ZMYM4: variants seen among roughly 807,000 people sequenced by gnomAD.
The protein encoded by ZMYM4 is zinc finger MYM-type containing 4.
A neutral mutation model predicts 183.2 loss-of-function variants in ZMYM4; 31 were observed. The ratio of observed to expected loss-of-function variants is 0.17; its 90% CI spans 0.13 to 0.23. The LOEUF (loss-of-function observed/expected upper bound fraction) is 0.23. Ranked by LOEUF, ZMYM4 falls within the 10% of genes least tolerant of loss-of-function variation. ZMYM4 has a pLI of 1.00. For missense variants in ZMYM4, 1,273 were observed against 1,840.3 expected (o/e 0.69, Z 5.64); for synonymous variants, 592 against 631.2 (o/e 0.94, Z 0.93).
intron 2 of ZMYM4, among the ~76,000 whole-genome samples, chr1:35,355,745 C>A (rs960809402): frequency 6.6e-6 from 1 of 152,016 alleles, no homozygotes; most frequent in African/African-American, 2.4e-5. Flanking sequence ...CTCTGCGACT[C>A]AAAAATAATT....
chr1:35,310,263 C>G (rs1180020133), intron 1 of ZMYM4: 3 of 181,674 alleles, frequency 1.7e-5, no homozygotes, highest in African/African-American at 4.8e-5. Context: ...GAATGTCTTA[C>G]TTTTATTATG....
intron 1 of ZMYM4, among the ~76,000 whole-genome samples, chr1:35,305,774 C>A (rs905225082): frequency 1.7e-4 from 26 of 151,744 alleles, no homozygotes; most frequent in Non-Finnish European, 1.9e-4. Flanking sequence ...GTCTCCAACT[C>A]CAGGCCTCAA....
intron 27 of ZMYM4, 124 bp from the exon 28 acceptor site, chr1:35,415,342 G>A (rs140904982): frequency 3.5e-5 from 46 of 1,333,260 alleles, no homozygotes; most frequent in African/African-American, 7.3e-5. Context: ...TCTGCATAAG[G>A]AAGAGGGGAA....
intron 3 of ZMYM4, among the ~76,000 whole-genome samples, chr1:35,359,914 A>G (rs541516811): frequency 2.0e-5 from 3 of 150,898 alleles, no homozygotes. Flanking sequence ...AATAAAAAAA[A>G]CCCAAACATT....
intron 9 of ZMYM4, among the ~76,000 whole-genome samples, chr1:35,384,819 G>A (rs1644538266): frequency 6.6e-6 from 1 of 150,772 alleles, no homozygotes; most frequent in South Asian, 2.1e-4. Flanking sequence ...GTTATAACCA[G>A]CATTATTATT....
At chr1:35,310,614 TGTTGCCCAGGCTG>T (rs1641749351) in intron 1 of ZMYM4, among the ~76,000 whole-genome samples, 1 of 152,148 alleles carries the variant, frequency 6.6e-6, no homozygotes, top group Non-Finnish European at 1.5e-5. Flanking sequence ...GTTTTGCTCT[TGTTGCCCAGGCTG>T]GAGTGCAATG....
At position 35,398,412 on chromosome 1, in the gene ZMYM4, G is replaced by T; in HGVS notation, c.3200-1G>T. 1.2e-6 allele frequency: 2 copies of T among 1,607,048 alleles called. No homozygotes were observed. Among genetic ancestry groups the T allele is most frequent in the South Asian group, 1.1e-5 (1 of 89,532 alleles). ...ATTTATGTGCTTTTCTTTTTCTTTA[G>T]AGTCCCAAACTTCTGAACACGAACT... On this transcript the variant is annotated splice_acceptor_variant, in intron 20 of 29. Coordinates refer to ENST00000314607, the MANE Select transcript of ZMYM4 (RefSeq NM_005095.3). LOFTEE classifies it high-confidence loss of function.
chr1:35,344,655 C>T (rs1643328514), intron 2 of ZMYM4, among the ~76,000 whole-genome samples: 1 of 143,164 alleles, frequency 7.0e-6, no homozygotes, highest in South Asian at 2.2e-4. Flanking sequence ...ATATTAAACT[C>T]ACTTTGCATT....
In ZMYM4 at chr1:35,414,846, A is replaced by G. The variant is rs191654851; in HGVS notation, c.4061-620A>G. On this transcript the variant is annotated intron_variant, in intron 27 of 29. Transcript: ENST00000314607. The stretch of plus-strand genomic sequence containing the variant: ...AGGATCACTTGAGCCCAGGAGTTCA[A>G]GATCAGCCTGGGCAACAAGGTGAAA... 5.7e-4 allele frequency among the ~76,000 whole-genome samples: 87 copies of G among 152,212 alleles called. 1 individual carries two copies. The highest frequency in any genetic ancestry group is 2.0e-3 in the African/African-American group (81 of 41,530).
intron 9 of ZMYM4, among the ~76,000 whole-genome samples, chr1:35,384,081 G>T (rs1168268048): frequency 1.3e-5 from 2 of 152,112 alleles, no homozygotes; most frequent in Non-Finnish European, 2.9e-5. Context: ...GTTTTGAGGG[G>T]CTGCCTGTCT....
intron 2 of ZMYM4, among the ~76,000 whole-genome samples, chr1:35,334,497 G>A (rs540211762): frequency 6.6e-6 from 1 of 152,208 alleles, no homozygotes. Flanking sequence ...AATTTGAGCA[G>A]CTTTTAATAA....
intron 9 of ZMYM4, among the ~76,000 whole-genome samples, chr1:35,384,683 A>G (rs577141999): frequency 1.3e-4 from 20 of 152,248 alleles, no homozygotes; most frequent in African/African-American, 4.3e-4. Flanking sequence ...CATATTTACA[A>G]GCACCTTTGG....
intron 1 of ZMYM4, among the ~76,000 whole-genome samples, chr1:35,281,434 A>G (rs563656763): frequency 9.2e-5 from 14 of 152,244 alleles, no homozygotes; most frequent in African/African-American, 2.9e-4. Flanking sequence ...AGAGAGTAGA[A>G]TTATAGTTAC....
chr1:35,317,749 A>G (rs1276373754), intron 1 of ZMYM4, among the ~76,000 whole-genome samples: 3 of 152,066 alleles, frequency 2.0e-5, no homozygotes, highest in African/African-American at 4.8e-5. Flanking sequence ...ATCATCAGCT[A>G]TTTAACATGT....
intron 7 of ZMYM4, 72 bp downstream of exon 7, chr1:35,370,699 T>C: frequency 7.4e-7 from 1 of 1,351,744 alleles, no homozygotes; most frequent in East Asian, 2.6e-5. Context: ...TTAGGTCATG[T>C]ATTACATTTG....
intron 28 of ZMYM4, among the ~76,000 whole-genome samples, chr1:35,417,648 A>T (rs1640173411): frequency 6.6e-6 from 1 of 151,636 alleles, no homozygotes; most frequent in Admixed American, 6.6e-5. Flanking sequence ...GGCTGCGGAG[A>T]TTCAAGGCTG....
intron 18 of ZMYM4, among the ~76,000 whole-genome samples, 195 bp downstream of exon 18, chr1:35,393,934 A>G (rs886581725): frequency 6.6e-5 from 10 of 152,306 alleles, no homozygotes; most frequent in Middle Eastern, 6.8e-3. Flanking sequence ...GTCAAAGAGA[A>G]GGAAGTTAAT....
chr1:35,375,857 C>G (rs1644323586), intron 7 of ZMYM4, among the ~76,000 whole-genome samples: 1 of 152,096 alleles, frequency 6.6e-6, no homozygotes, highest in African/African-American at 2.4e-5. Flanking sequence ...TGGAGGATTG[C>G]ATGAGCCCAG....
chr1:35,408,021 G>A lies in ZMYM4; in HGVS notation c.3810G>A (p.Lys1270=). The change falls in exon 26 of 30, where the codon AAG becomes AAA. Residue 1270 remains lysine (K), a synonymous_variant. Transcript: ENST00000314607. ...ACCTTTCCACAGTCCGCTCTATCAA[G>A]CTGAAGGAAGACATTCTGTCCTGCA... ...SEPGCRVRSI[K]LKEDILSCTF... is the part of the protein sequence containing the mutation. 1 of 1,614,190 alleles carries A rather than the reference G, an allele frequency of 6.2e-7. No homozygotes were observed. Among genetic ancestry groups the A allele is most frequent in the African/African-American group, 1.3e-5 (1 of 75,062 alleles).
Sources: allele counts gnomAD v4.1 joint callset (sites outside exome capture counted in the v4.1 genomes callset), GRCh38; gene constraint gnomAD v4.1.1; transcripts MANE v1.5; gene names NCBI Gene and HGNC (gene_info 2026-07-23, HGNC 2026-07-21).